Variants in GYS1 observed in about 807,000 individuals in gnomAD.
The protein encoded by GYS1 is glycogen synthase 1.
In GYS1, 60 loss-of-function variants were observed where a neutral mutation model predicts 89.1. The observed-to-expected ratio is 0.67, with a 90% CI of 0.55 to 0.84. The LOEUF is 0.84. Ranked by LOEUF, GYS1 falls within the 40% of genes least tolerant of loss-of-function variation. The pLI, the probability that GYS1 is intolerant of heterozygous loss-of-function variation, is 0.00. For synonymous variants in GYS1, 366 were observed against 401.7 expected, an observed-to-expected ratio of 0.91 and a Z score of 1.06; for missense variants, 888 against 1,003.1, an observed-to-expected ratio of 0.89 and a Z score of 1.55.
rs1181030360 is a variant in GYS1 at position 48,969,343 on chromosome 19, C to G, written c.2159G>C (p.Ser720Thr). ...SVDTATSSSL[S>T]TPSEPLSPTS... ...GGGGCTGAGGGGCTCGCTCGGGGTG[C>G]TGAGTGAGCTGGAGGTGGCCGTGTC... Residue 720 changes from serine to threonine, a missense_variant, in exon 16 of 16, where the codon AGC (serine) becomes ACC (threonine). By Grantham distance (58) the Ser-to-Thr change is moderately conservative. Coordinates refer to ENST00000323798, the MANE Select transcript of GYS1 (RefSeq NM_002103.5). 4.4e-6 allele frequency: 7 copies of G among 1,585,228 alleles called. No individual in the cohort carries two copies. Among genetic ancestry groups the G allele is most frequent in the Non-Finnish European group, 6.0e-6 (7 of 1,171,546 alleles).
chr19:48,970,146 A>C, intron 14 of GYS1: 6 of 496,360 alleles, frequency 1.2e-5, no homozygotes, highest in Middle Eastern at 5.6e-4. Context: ...CTTTTTAAAC[A>C]CGGTCTTGTT....
At position 48,970,875 on chromosome 19, in the gene GYS1, G is replaced by C. The variant is rs2038553990; in HGVS notation, c.1645+53C>G. The C allele has an allele frequency of 2.7e-6, 4 of 1,468,228 alleles. No individual in the cohort carries two copies. The Admixed American group carries it at 6.7e-5, about 25-fold the overall frequency. The allele number at this position is 1,468,228 out of a possible 1,614,324, so 91.0% of individuals were successfully genotyped here. The stretch of plus-strand genomic sequence containing the variant: ...CAAGCTCCTCCTTCCCAGGATCCAG[G>C]AGTCACTGTTCTCAAGCCCCCTTCC... On this transcript the variant is annotated intron_variant, in intron 13 of 15. Transcript: ENST00000323798.
intron 1 of GYS1, among the ~76,000 whole-genome samples, chr19:48,992,315 A>G (rs2038947411): frequency 6.6e-6 from 1 of 152,092 alleles, no homozygotes; most frequent in South Asian, 2.1e-4. Context: ...TCTGAAGCCC[A>G]AGACACAGAA....
intron 5 of GYS1, among the ~76,000 whole-genome samples, chr19:48,983,286 T>C (rs1267544019): frequency 6.6e-6 from 1 of 152,122 alleles, no homozygotes; most frequent in Non-Finnish European, 1.5e-5. Context: ...CCACCATGCC[T>C]GGCCAGTTCC....
intron 11 of GYS1, 137 bp downstream of exon 11, chr19:48,974,483 C>A: frequency 9.1e-7 from 1 of 1,096,884 alleles, no homozygotes; most frequent in South Asian, 1.3e-5. Context: ...CCAGGTCTGC[C>A]TGCCTCAGAA....
chr19:48,980,973 G>A (rs1449340460), intron 8 of GYS1, among the ~76,000 whole-genome samples: 3 of 152,074 alleles, frequency 2.0e-5, no homozygotes, highest in African/African-American at 7.2e-5. Flanking sequence ...AGTTAGCCAG[G>A]TGTGGTGGCA....
At chr19:48,971,090 C>T (rs1365030918) in intron 12 of GYS1, 67 bp from the exon 13 acceptor site, 2 of 1,058,284 alleles carry the variant, frequency 1.9e-6, no homozygotes, top group Non-Finnish European at 3.0e-6. Flanking sequence ...TCGCAATAGA[C>T]GCCTCAACAC....
At chr19:48,985,644 G>T (rs777401149) in intron 4 of GYS1, 39 bp from the exon 5 acceptor site, 2 of 1,611,484 alleles carry the variant, frequency 1.2e-6, no homozygotes, top group South Asian at 2.2e-5. Context: ...AGAAGGATTG[G>T]GGAGAAGACT....
intron 2 of GYS1, among the ~76,000 whole-genome samples, chr19:48,990,701 C>T (rs1373802901): frequency 6.6e-6 from 1 of 152,216 alleles, no homozygotes; most frequent in Non-Finnish European, 1.5e-5. Context: ...GCCAAGGACA[C>T]ACAGGCAGCA....
intron 2 of GYS1, among the ~76,000 whole-genome samples, chr19:48,988,459 C>T (rs547165857): frequency 6.6e-6 from 1 of 152,072 alleles, no homozygotes; most frequent in Non-Finnish European, 1.5e-5. Flanking sequence ...TCACCTCCTA[C>T]AGGCGTGGGC....
chr19:48,982,729 T>C lies in GYS1; in HGVS notation c.932A>G (p.His311Arg). 4.4e-6 allele frequency: 7 copies of C among 1,606,444 alleles called. No homozygotes were observed. The highest frequency in any genetic ancestry group is 6.0e-6 in the Non-Finnish European group (7 of 1,173,150). The change falls in exon 6 of 16, where the codon CAT becomes CGT. Residue 311 changes from histidine (H) to arginine (R), a missense_variant. By Grantham distance (29) the His-to-Arg change is conservative. Coordinates refer to ENST00000323798, the MANE Select transcript of GYS1 (RefSeq NM_002103.5). ...KARIQEFVRG[H>R]FYGHLDFNLD... is the part of the protein sequence containing the mutation. ...TATATGCCCCACGTACCCATAAAAATGGCCCCGCACAAACTCCTGGATTCG... is the reference window on the plus strand; with the variant it reads ...TATATGCCCCACGTACCCATAAAAACGGCCCCGCACAAACTCCTGGATTCG...
intron 2 of GYS1, among the ~76,000 whole-genome samples, chr19:48,989,912 C>T (rs973035434): frequency 6.6e-6 from 1 of 152,070 alleles, no homozygotes; most frequent in Non-Finnish European, 1.5e-5. Flanking sequence ...GGAGAAGCAG[C>T]CCCGCTCCTC....
chr19:48,973,935 C>T (rs1372258870), intron 12 of GYS1, among the ~76,000 whole-genome samples: 1 of 152,128 alleles, frequency 6.6e-6, no homozygotes, highest in Non-Finnish European at 1.5e-5. Context: ...GTGAATTGTG[C>T]ATTTCATTGC....
At chr19:48,976,847 G>A (rs570227659) in intron 10 of GYS1, among the ~76,000 whole-genome samples, 3 of 146,636 alleles carry the variant, frequency 2.0e-5, no homozygotes, top group Non-Finnish European at 4.4e-5. Flanking sequence ...TCACTGCAGC[G>A]GCATAATCAT....
intron 2 of GYS1, among the ~76,000 whole-genome samples, chr19:48,990,166 C>G (rs1376445439): frequency 6.6e-6 from 1 of 152,214 alleles, no homozygotes; most frequent in East Asian, 1.9e-4. Context: ...CACAGTGCCT[C>G]TCCATCCCCA....
chr19:48,984,152 G>A (rs1025050126), intron 5 of GYS1, among the ~76,000 whole-genome samples: 16 of 150,232 alleles, frequency 1.1e-4, no homozygotes, highest in East Asian at 8.1e-4. Flanking sequence ...GATTACAGGC[G>A]CCTGCCACCA....
chr19:48,970,164 T>C, intron 14 of GYS1: 1 of 487,126 alleles, frequency 2.1e-6, no homozygotes, highest in Non-Finnish European at 3.7e-6. Flanking sequence ...GTTCTGTTAC[T>C]CTAGGATGGA....
Position 48,969,516 on chromosome 19 carries a change from A to ATCC in GYS1, c.1983_1985dup (p.Glu661dup). On this transcript the variant is annotated inframe_insertion, in exon 16 of 16. Coordinates refer to ENST00000323798, the MANE Select transcript of GYS1 (RefSeq NM_002103.5). ...CTTCCTCCAGCGGCCCGTTCCGGGG[A>ATCC]TCCTCCTCGTCCTCACTCTGGTGCG... 1 of 1,543,516 alleles carries ATCC rather than the reference A, an allele frequency of 6.5e-7. No individual in the cohort carries two copies. Among genetic ancestry groups the ATCC allele is most frequent in the South Asian group, 1.2e-5 (1 of 84,002 alleles).
chr19:48,987,565 T>C (rs927512456), intron 2 of GYS1, among the ~76,000 whole-genome samples, 180 bp from the exon 3 acceptor site: 1 of 152,222 alleles, frequency 6.6e-6, no homozygotes, highest in Non-Finnish European at 1.5e-5. Context: ...TACTTCTCTA[T>C]TTGCATGATT....
Sources: allele counts gnomAD v4.1 joint callset (sites outside exome capture counted in the v4.1 genomes callset), GRCh38; gene constraint gnomAD v4.1.1; transcripts MANE v1.5; gene names NCBI Gene and HGNC (gene_info 2026-07-23, HGNC 2026-07-21).